KCNB2: variants seen among roughly 807,000 people sequenced by gnomAD.
KCNB2 encodes the protein potassium voltage-gated channel subfamily B member 2.
Under a neutral mutation model 61.5 loss-of-function variants are expected in KCNB2, and 15 were observed. The ratio of observed to expected loss-of-function variants is 0.24; its 90% CI spans 0.16 to 0.38. KCNB2 has a LOEUF of 0.38. Among genes scored for constraint, KCNB2 ranks in the 10% least tolerant of loss-of-function variants. KCNB2 has a pLI of 1.00. For missense variants in KCNB2, 828 were observed against 1,125.2 expected, an observed-to-expected ratio of 0.74 and a Z score of 3.78; for synonymous variants, 457 against 446.0, an observed-to-expected ratio of 1.02 and a Z score of -0.31.
chr8:72,840,472 T>C (rs982689246), intron 2 of KCNB2, among the ~76,000 whole-genome samples: 2 of 152,116 alleles, frequency 1.3e-5, no homozygotes, highest in African/African-American at 4.8e-5. Flanking sequence ...TCTAGATCCT[T>C]GTGGAAGCAC....
At chr8:72,834,578 C>A (rs1461011497) in intron 2 of KCNB2, among the ~76,000 whole-genome samples, 1 of 152,154 alleles carries the variant, frequency 6.6e-6, no homozygotes, top group Non-Finnish European at 1.5e-5. Context: ...TCCTGAGCCA[C>A]AAACCTGAGC....
At chr8:72,545,775 G>T (rs78616131) in intron 1 of KCNB2, among the ~76,000 whole-genome samples, 4,945 of 152,232 alleles carry the variant, frequency 0.032, 114 homozygotes, top group South Asian at 0.09. Context: ...CTGAGAGTTA[G>T]TCCTCTTGTT....
At chr8:72,553,311 CTT>C (rs1806374824) in intron 1 of KCNB2, among the ~76,000 whole-genome samples, 1 of 152,058 alleles carries the variant, frequency 6.6e-6, no homozygotes. Context: ...TTGTCTGACT[CTT>C]GAGTTCTTTG....
intron 2 of KCNB2, chr8:72,751,081 C>G (rs2962310): frequency 6.6e-6 from 1 of 151,986 alleles, no homozygotes; most frequent in Non-Finnish European, 1.5e-5. Flanking sequence ...AAGCTTGAAG[C>G]TTGGTAGCAA....
At chr8:72,743,159 T>C (rs1316128380) in intron 2 of KCNB2, among the ~76,000 whole-genome samples, 1 of 152,250 alleles carries the variant, frequency 6.6e-6, no homozygotes, top group Non-Finnish European at 1.5e-5. Context: ...CTCAGCCTGT[T>C]CATATATAAA....
At chr8:72,935,878 T>A in intron 2 of KCNB2, 57 bp from the exon 3 acceptor site, 1 of 1,243,446 alleles carries the variant, frequency 8.0e-7, no homozygotes, top group South Asian at 1.3e-5. Context: ...CCCATCTGTC[T>A]CCTAGCTGCC....
intron 2 of KCNB2, among the ~76,000 whole-genome samples, chr8:72,783,655 A>C (rs765331805): frequency 5.3e-5 from 8 of 152,172 alleles, no homozygotes; most frequent in Non-Finnish European, 8.8e-5. Context: ...CATCACTATC[A>C]GAAGTCACTT....
At chr8:72,796,157 A>T (rs939364446) in intron 2 of KCNB2, among the ~76,000 whole-genome samples, 1 of 152,202 alleles carries the variant, frequency 6.6e-6, no homozygotes, top group Non-Finnish European at 1.5e-5. Context: ...TTGTATCACC[A>T]GGAAATATTT....
chr8:72,867,598 G>A (rs1213630019), intron 2 of KCNB2, among the ~76,000 whole-genome samples: 2 of 152,166 alleles, frequency 1.3e-5, no homozygotes, highest in Admixed American at 1.3e-4. Flanking sequence ...TATGTAAAAA[G>A]TAGTCCACAA....
chr8:72,775,096 G>A (rs2128997454), intron 2 of KCNB2, among the ~76,000 whole-genome samples: 1 of 152,290 alleles, frequency 6.6e-6, no homozygotes, highest in Non-Finnish European at 1.5e-5. Context: ...CACCTCACTA[G>A]CTCCTCACCT....
At chr8:72,568,795 A>G (rs537332977) in intron 2 of KCNB2, among the ~76,000 whole-genome samples, 1 of 116,098 alleles carries the variant, frequency 8.6e-6, no homozygotes, top group Non-Finnish European at 2.2e-5. Flanking sequence ...TCAGAGGGCA[A>G]GTGCCACACA....
intron 2 of KCNB2, among the ~76,000 whole-genome samples, chr8:72,573,427 G>T (rs572200262): frequency 6.6e-6 from 1 of 152,192 alleles, no homozygotes; most frequent in Admixed American, 6.5e-5. Flanking sequence ...GACCATCTTA[G>T]TGGTAAGAAA....
chr8:72,812,981 T>C (rs952751742), intron 2 of KCNB2, among the ~76,000 whole-genome samples: 3 of 152,182 alleles, frequency 2.0e-5, no homozygotes, highest in African/African-American at 7.2e-5. Context: ...TTTAACTATA[T>C]GGTAAAATTC....
At chr8:72,914,905 T>C (rs1411980647) in intron 2 of KCNB2, among the ~76,000 whole-genome samples, 1 of 148,050 alleles carries the variant, frequency 6.8e-6, no homozygotes, top group Non-Finnish European at 1.5e-5. Flanking sequence ...TGACTAATCT[T>C]CTTTTTTTTT....
At chr8:72,686,352 G>A (rs989385410) in intron 2 of KCNB2, among the ~76,000 whole-genome samples, 2 of 151,882 alleles carry the variant, frequency 1.3e-5, no homozygotes, top group Non-Finnish European at 2.9e-5. Context: ...ATCCTTTTTT[G>A]GATATTTTTT....
At chr8:72,649,097 A>G (rs1806175669) in intron 2 of KCNB2, among the ~76,000 whole-genome samples, 1 of 152,120 alleles carries the variant, frequency 6.6e-6, no homozygotes, top group Non-Finnish European at 1.5e-5. Context: ...GGATGTTTTC[A>G]TTATATCTAA....
intron 2 of KCNB2, among the ~76,000 whole-genome samples, chr8:72,934,611 T>C (rs1806863402): frequency 6.6e-6 from 1 of 152,180 alleles, no homozygotes; most frequent in South Asian, 2.1e-4. Context: ...TTGAAATGTT[T>C]ACTAGATGCT....
chr8:72,768,441 C>T (rs917367404), intron 2 of KCNB2, among the ~76,000 whole-genome samples: 6 of 152,136 alleles, frequency 3.9e-5, no homozygotes, highest in Admixed American at 3.3e-4. Context: ...TCCCAAAGTG[C>T]TGGGAATACA....
intron 2 of KCNB2, among the ~76,000 whole-genome samples, chr8:72,608,374 G>A (rs1805486136): frequency 6.6e-6 from 1 of 152,106 alleles, no homozygotes; most frequent in Non-Finnish European, 1.5e-5. Context: ...TAAAACAGAG[G>A]TATTATGCTA....
Sources: gnomAD v4.1 joint callset for allele counts (sites outside exome capture counted in the v4.1 genomes callset) on GRCh38, gnomAD v4.1.1 for gene constraint, MANE v1.5 for transcripts, NCBI Gene and HGNC (gene_info 2026-07-23, HGNC 2026-07-21) for gene names.